Variants in CERS6 observed in about 807,000 individuals in gnomAD.
The protein encoded by CERS6 is ceramide synthase 6, also known as LAG1 homolog, ceramide synthase 6.
A neutral mutation model predicts 56.8 loss-of-function variants in CERS6; 26 were observed. The ratio of observed to expected loss-of-function variants is 0.46; its 90% confidence interval spans 0.34 to 0.63. CERS6 has a LOEUF of 0.63. CERS6 is among the 30% of genes least tolerant of loss of function. CERS6 has a pLI of 0.01. For missense variants in CERS6, 415 were observed against 467.5 expected (o/e 0.89, Z 1.04); for synonymous variants, 164 against 173.3 (o/e 0.95, Z 0.42).
intron 6 of CERS6, among the ~76,000 whole-genome samples, chr2:168,710,402 G>T (rs571819695): frequency 6.6e-6 from 1 of 152,274 alleles, no homozygotes; most frequent in East Asian, 1.9e-4. Flanking sequence ...TTCTTTTTAG[G>T]TATTCAGCTG....
At chr2:168,458,731 T>C (rs532609971) in intron 1 of CERS6, among the ~76,000 whole-genome samples, 2 of 152,370 alleles carry the variant, frequency 1.3e-5, no homozygotes, top group Admixed American at 6.5e-5. Context: ...ATGGCACATA[T>C]GTCACAGAAT....
At chr2:168,613,681 G>T (rs927557073) in intron 3 of CERS6, among the ~76,000 whole-genome samples, 6 of 152,156 alleles carry the variant, frequency 3.9e-5, no homozygotes, top group Non-Finnish European at 7.4e-5. Flanking sequence ...AGTGTTTCCT[G>T]CTTGGCAACC....
At chr2:168,527,843 C>T (rs1330809141) in intron 1 of CERS6, among the ~76,000 whole-genome samples, 1 of 152,152 alleles carries the variant, frequency 6.6e-6, no homozygotes, top group African/African-American at 2.4e-5. Context: ...ACCTCAACCT[C>T]CCAAGTAGCT....
chr2:168,770,824 A>C lies in CERS6; in HGVS notation c.*1162A>C, dbSNP rs866382158. The stretch of plus-strand genomic sequence containing the variant: ...CCAGATGACTTTCCTGTTACTAAAC[A>C]CTGAGCAGCATTACACTACAATGCT... On this transcript the variant is annotated 3_prime_UTR_variant, in exon 10 of 10. Coordinates refer to ENST00000305747, the MANE Select transcript of CERS6 (RefSeq NM_203463.3). The C allele has an allele frequency of 6.6e-6, 1 of 152,376 alleles. No homozygotes were observed. Among genetic ancestry groups the C allele is most frequent in the African/African-American group, 2.4e-5 (1 of 41,446 alleles). 9.4% of individuals were successfully genotyped at this position (152,376 alleles called of 1,614,324 possible).
intron 1 of CERS6, among the ~76,000 whole-genome samples, chr2:168,474,672 A>G (rs1694036568): frequency 6.6e-6 from 1 of 152,256 alleles, no homozygotes; most frequent in Non-Finnish European, 1.5e-5. Context: ...AATGGGAATG[A>G]TAATCATAAA....
At chr2:168,591,395 A>G (rs998654366) in intron 3 of CERS6, among the ~76,000 whole-genome samples, 2 of 152,248 alleles carry the variant, frequency 1.3e-5, no homozygotes, top group Non-Finnish European at 1.5e-5. Flanking sequence ...TGAGAGTTTG[A>G]TAGCCAAATT....
At chr2:168,527,524 A>G (rs1695091589) in intron 1 of CERS6, among the ~76,000 whole-genome samples, 1 of 152,248 alleles carries the variant, frequency 6.6e-6, no homozygotes, top group Non-Finnish European at 1.5e-5. Context: ...AAAGAATTAA[A>G]TTTATTTCTC....
At chr2:168,549,692 T>G (rs909476414) in intron 2 of CERS6, among the ~76,000 whole-genome samples, 2 of 152,168 alleles carry the variant, frequency 1.3e-5, no homozygotes, top group Non-Finnish European at 2.9e-5. Context: ...ATGATCATAT[T>G]CTTTTAGTTT....
rs75617337 is a variant in CERS6, at chr2:168,693,787, G to A, written c.517-1172G>A. On this transcript the variant is annotated intron_variant, in intron 5 of 9. Coordinates refer to ENST00000305747, the MANE Select transcript of CERS6 (RefSeq NM_203463.3). Reference sequence around the variant, plus strand: ...CTGCCTCCAAATACCGTCACATTGGGATTAGGCTTCATCATATGAATGTTA... The same window carrying A: ...CTGCCTCCAAATACCGTCACATTGGAATTAGGCTTCATCATATGAATGTTA... Among the ~76,000 whole-genome samples the A allele has an allele frequency of 3.2e-4, 48 of 152,246 alleles. No homozygotes were observed. The East Asian group carries it at 8.9e-3, about 28-fold the overall frequency.
intron 1 of CERS6, among the ~76,000 whole-genome samples, chr2:168,521,216 C>T (rs1694971813): frequency 6.6e-6 from 1 of 152,150 alleles, no homozygotes; most frequent in South Asian, 2.1e-4. Context: ...AAGCTGGGGT[C>T]AGGACCAGCC....
intron 8 of CERS6, among the ~76,000 whole-genome samples, chr2:168,722,392 T>TC (rs911009683): frequency 3.9e-5 from 6 of 152,182 alleles, no homozygotes; most frequent in African/African-American, 1.4e-4. Flanking sequence ...TATTTTTTTT[T>TC]CCTAGGAGTT....
intron 9 of CERS6, chr2:168,766,439 C>A (rs1227799826): frequency 2.7e-6 from 3 of 1,111,180 alleles, no homozygotes; most frequent in African/African-American, 3.1e-5. Flanking sequence ...GCATATTGTT[C>A]TGTCTAACCT....
chr2:168,718,774 C>T (rs1394990409), intron 8 of CERS6, among the ~76,000 whole-genome samples: 1 of 152,202 alleles, frequency 6.6e-6, no homozygotes, highest in African/African-American at 2.4e-5. Flanking sequence ...AGCCTTCTAA[C>T]TGTTAGATCG....
chr2:168,698,236 GAAAAAAAA>G (rs1214508784), intron 6 of CERS6, among the ~76,000 whole-genome samples: 1 of 124,992 alleles, frequency 8.0e-6, no homozygotes, highest in Admixed American at 7.8e-5. Context: ...TGTCTCACAG[GAAAAAAAA>G]AAAAAAAAAA....
At chr2:168,665,921 G>GT (rs1685746007) in intron 4 of CERS6, among the ~76,000 whole-genome samples, 1 of 149,682 alleles carries the variant, frequency 6.7e-6, no homozygotes, top group Non-Finnish European at 1.5e-5. Flanking sequence ...TAACTTGGAG[G>GT]TTTTAAGAAT....
intron 4 of CERS6, among the ~76,000 whole-genome samples, chr2:168,640,503 G>GGATGAAA (rs1476608009): frequency 6.6e-6 from 1 of 152,240 alleles, no homozygotes; most frequent in East Asian, 1.9e-4. Flanking sequence ...TGGGCACCAT[G>GGATGAAA]GATGAAACAG....
At chr2:168,610,761 C>G (rs1232898012) in intron 3 of CERS6, among the ~76,000 whole-genome samples, 1 of 152,014 alleles carries the variant, frequency 6.6e-6, no homozygotes, top group Non-Finnish European at 1.5e-5. Flanking sequence ...ACTGGTAGCC[C>G]CAAGTTGAAT....
intron 2 of CERS6, among the ~76,000 whole-genome samples, chr2:168,554,168 A>T (rs79826863): frequency 0.019 from 2,864 of 152,306 alleles, 47 homozygotes; most frequent in Non-Finnish European, 0.029. Context: ...AAGGAAAAAA[A>T]AAATGTAGTG....
chr2:168,505,757 A>G (rs936325457), intron 1 of CERS6, among the ~76,000 whole-genome samples: 30 of 152,320 alleles, frequency 2.0e-4, no homozygotes, highest in African/African-American at 7.2e-4. Context: ...TATTCTTGTA[A>G]TGAAGTAAGG....
Sources: allele counts gnomAD v4.1 joint callset (sites outside exome capture counted in the v4.1 genomes callset), GRCh38; gene constraint gnomAD v4.1.1; transcripts MANE v1.5; gene names NCBI Gene and HGNC (gene_info 2026-07-23, HGNC 2026-07-21).